Variants in CPSF1 observed in about 807,000 individuals in gnomAD.
CPSF1 encodes the protein cleavage and polyadenylation specific factor 1.
A neutral mutation model predicts 175.8 loss-of-function variants in CPSF1; 106 were observed. The observed-to-expected ratio is 0.60, with a 90% CI of 0.52 to 0.71. The LOEUF (loss-of-function observed/expected upper bound fraction) is 0.71. Ranked by LOEUF, CPSF1 falls within the 30% of genes least tolerant of loss-of-function variation. The probability of loss-of-function intolerance (pLI) is 0.00; values close to 1 mark genes in which losing one functional copy is unlikely to be tolerated. For missense variants in CPSF1, 1,734 were observed against 2,022.9 expected, an observed-to-expected ratio of 0.86 and a Z score of 2.74; for synonymous variants, 1,024 against 858.3, an observed-to-expected ratio of 1.19 and a Z score of -3.37.
Position 144,395,013 on chromosome 8 carries a change from G to T in CPSF1, c.3283C>A (p.Gln1095Lys), listed in dbSNP as rs1554863135. The T allele has an allele frequency of 6.2e-7, 1 of 1,609,936 alleles. No homozygotes were observed. The highest frequency in any genetic ancestry group is 1.1e-5 in the South Asian group (1 of 90,922). ...EAIPNARIELQEWEHVTCMKT... is the reference protein window; with the variant it reads ...EAIPNARIELKEWEHVTCMKT... ...ATGCAGGTCACATGCTCCCACTCCT[G>T]CAGCTCGATCCTGTGGGGGCCAGGG... is the stretch of plus-strand genomic sequence containing the variant. The change falls in exon 30 of 38, where the codon CAG (glutamine) becomes AAG (lysine). Residue 1095 changes from glutamine to lysine, a missense_variant. Around this residue, in one of 10 missense-constraint regions of CPSF1, gnomAD observed 585 missense variants for 584.7 expected, o/e 1.00. Transcript: ENST00000616140.
chr8:144,397,628 A>G lies in CPSF1; in HGVS notation c.2244T>C (p.Tyr748=), dbSNP rs1438696390. 2 of 1,534,122 alleles carry G rather than the reference A, an allele frequency of 1.3e-6. No homozygotes were observed. Among genetic ancestry groups the G allele is most frequent in the African/African-American group, 1.4e-5 (1 of 72,686 alleles). ...PTVDDEEEML[Y]GDSGSLFSPS... The stretch of plus-strand genomic sequence containing the variant: ...GGCTGAAGAGGGAGCCCGAATCCCC[A>G]TACAGCATCTCCTCCTCGTCATCCA... Residue 748 remains tyrosine, a synonymous_variant, in exon 22 of 38, where the codon TAT becomes TAC. Coordinates refer to ENST00000616140, the MANE Select transcript of CPSF1 (RefSeq NM_013291.3).
chr8:144,394,143 TGCGGTC>T lies in CPSF1; in HGVS notation c.3823_3828del (p.Asp1275_Arg1276del), dbSNP rs1287854225. On this transcript the variant is annotated inframe_deletion, in exon 34 of 38. Coordinates refer to ENST00000616140, the MANE Select transcript of CPSF1 (RefSeq NM_013291.3). ...GGCAGGTACATGTACACCATGAGGT[TGCGGTC>T]GCGGTCAGACACTGGGGAGCAGAGG... 1 of 1,612,828 alleles carries T rather than the reference TGCGGTC, an allele frequency of 6.2e-7. No homozygotes were observed. Among genetic ancestry groups the T allele is most frequent in the African/African-American group, 1.3e-5 (1 of 75,008 alleles).
In CPSF1 at chr8:144,401,041, A is replaced by G. The variant is rs2116880801; in HGVS notation, c.422T>C (p.Val141Ala). 5 of 1,607,828 alleles carry G rather than the reference A, an allele frequency of 3.1e-6. No individual in the cohort carries two copies. The highest frequency in any genetic ancestry group is 4.2e-6 in the Non-Finnish European group (5 of 1,176,744). The change falls in exon 6 of 38, where the codon GTG (valine) becomes GCG (alanine). Residue 141 changes from valine to alanine, a missense_variant. Around this residue, in one of 10 missense-constraint regions of CPSF1, gnomAD observed 122 missense variants for 177.2 expected, o/e 0.69. Transcript: ENST00000616140. The part of the protein sequence containing the change: ...GFVQNVHTPR[V>A]RVDPDGRCAA... Reference sequence around the variant, plus strand: ...ACAGCGCCCGTCGGGGTCCACCCGCACTCGCGGCGTGTGTACATTCTGCAC... The same window carrying G: ...ACAGCGCCCGTCGGGGTCCACCCGCGCTCGCGGCGTGTGTACATTCTGCAC...
Position 144,399,843 on chromosome 8 carries a change from C to T in CPSF1, c.1057G>A (p.Gly353Ser), listed in dbSNP as rs1206513857. Residue 353 changes from glycine (G) to serine (S), a missense_variant, in exon 11 of 38, where the codon GGC becomes AGC. By Grantham distance (56) the Gly-to-Ser change is moderately conservative (BLOSUM62 0). Around this residue, in one of 10 missense-constraint regions of CPSF1, gnomAD observed 162 missense variants for 169.5 expected, o/e 0.96. Coordinates refer to ENST00000616140, the MANE Select transcript of CPSF1 (RefSeq NM_013291.3). The surrounding 1 kb of genome is among the most constrained non-coding windows in gnomAD (Gnocchi z 6.4). ...EIYVLTLITD[G>S]MRSVRAFHFD... ...TGGAACGCTCGGACACTGCGCATGC[C>T]GTCGGTGATGAGGGTCAGCACGTAG... is the stretch of plus-strand genomic sequence containing the variant. The T allele has an allele frequency of 1.9e-6, 3 of 1,554,298 alleles. No homozygotes were observed. Among genetic ancestry groups the T allele is most frequent in the African/African-American group, 2.7e-5 (2 of 73,042 alleles).
Position 144,399,067 on chromosome 8 carries a change from GC to G in CPSF1, c.1468-30del, listed in dbSNP as rs1564691515. The G allele has an allele frequency of 1.9e-6, 3 of 1,549,994 alleles. No homozygotes were observed. The highest frequency in any genetic ancestry group is 2.4e-5 in the East Asian group (1 of 41,156). ...CACAGGACTCGGGGGTGAGGACTAT[GC>G]CCCCCACCCCCCCTCACACTCCAGC... On this transcript the variant is annotated intron_variant, in intron 15 of 37. Coordinates refer to ENST00000616140, the MANE Select transcript of CPSF1 (RefSeq NM_013291.3). The surrounding 1 kb of genome is among the most constrained non-coding windows in gnomAD (Gnocchi z 6.4).
chr8:144,404,148 G>A (rs1414528831), intron 2 of CPSF1, among the ~76,000 whole-genome samples: 2 of 151,680 alleles, frequency 1.3e-5, no homozygotes, highest in African/African-American at 2.4e-5. Flanking sequence ...GCTTGAATCC[G>A]GGAGGCGGAG....
rs2116852514 is a variant in CPSF1 at position 144,398,573 on chromosome 8, G to A, written c.1704C>T (p.Asp568=). ...GAATCAGGAATCCGTGTCTGCGGCC[G>A]TCGTCGTCTGCTTCAGGGGTGGTGC... ...EPSTTPEADD[D]GRRHGFLILS... is the part of the protein sequence containing the mutation. The change falls in exon 18 of 38, where the codon GAC becomes GAT. Residue 568 remains aspartate, a synonymous_variant. Transcript: ENST00000616140. 610,410 of 1,613,652 alleles carry A rather than the reference G, an allele frequency of 0.38. 121,424 individuals are homozygous for A. Among genetic ancestry groups the A allele is most frequent in the East Asian group, 0.66 (29,506 of 44,838 alleles).
Position 144,393,913 on chromosome 8 carries a change from C to G in CPSF1, c.3985G>C (p.Val1329Leu), listed in dbSNP as rs539044126. ...ATEGLSKKSV[V>L]WENKHITWFA... ...CACGTGATGTGCTTATTCTCCCACA[C>G]GACCGACTTTTTGCTGAGCCCTTCA... The change falls in exon 35 of 38, where the codon GTG (valine) becomes CTG (leucine). Residue 1329 changes from valine (V) to leucine (L), a missense_variant. Physicochemically the swap from Val to Leu is conservative, Grantham distance 32. Transcript: ENST00000616140. The G allele has an allele frequency of 1.1e-5, 17 of 1,613,098 alleles. No homozygotes were observed. Among genetic ancestry groups the G allele is most frequent in the Non-Finnish European group, 1.4e-5 (17 of 1,179,602 alleles).
intron 2 of CPSF1, among the ~76,000 whole-genome samples, chr8:144,405,514 C>T (rs1821449541): frequency 6.6e-6 from 1 of 152,110 alleles, no homozygotes; most frequent in African/African-American, 2.4e-5. Flanking sequence ...ATCCCAGCTA[C>T]TCGGGAGGTT....
chr8:144,409,192 G>A lies in CPSF1; in HGVS notation c.-14-20C>T. On this transcript the variant is annotated intron_variant, in intron 1 of 37. Coordinates refer to ENST00000616140, the MANE Select transcript of CPSF1 (RefSeq NM_013291.3). ...CCCGGGCTGCGCAAGGCCGGGAGAG[G>A]AAGGGTGAGCGGGGTCGCCCACGCA... is the stretch of plus-strand genomic sequence containing the variant. 1.3e-6 allele frequency: 2 copies of A among 1,570,694 alleles called. No individual in the cohort carries two copies. The highest frequency in any genetic ancestry group is 1.7e-6 in the Non-Finnish European group (2 of 1,158,766).
At position 144,400,826 on chromosome 8, in the gene CPSF1, C is replaced by A; in HGVS notation, c.540-9G>T. On this transcript the variant is annotated splice_polypyrimidine_tract_variant and intron_variant, in intron 6 of 37. Coordinates refer to ENST00000616140, the MANE Select transcript of CPSF1 (RefSeq NM_013291.3). ...GGAAGCTGGACCTCTGCCTGGGGGG[C>A]CAGGGGCTTCAGCAGGAGAGGAGGG... The A allele has an allele frequency of 5.6e-6, 9 of 1,613,118 alleles. No homozygotes were observed. Among genetic ancestry groups the A allele is most frequent in the Non-Finnish European group, 7.6e-6 (9 of 1,179,876 alleles).
intron 19 of CPSF1, 61 bp downstream of exon 19, chr8:144,398,241 C>A: frequency 9.3e-7 from 1 of 1,072,386 alleles, no homozygotes; most frequent in Non-Finnish European, 1.2e-6. Flanking sequence ...CCCACCGTCC[C>A]CACCCACCTA....
In CPSF1 at chr8:144,398,451, C is replaced by G. The variant is rs2116849925; in HGVS notation, c.1753-8G>C. The G allele has an allele frequency of 6.2e-7, 1 of 1,613,698 alleles. No individual in the cohort carries two copies. Among genetic ancestry groups the G allele is most frequent in the South Asian group, 1.1e-5 (1 of 91,086 alleles). The stretch of plus-strand genomic sequence containing the variant: ...CTGCCCCGTCTGCAGGATCTGCGGG[C>G]GACAGCTGTGAGGGAGGCGCCCCCC... On this transcript the variant is annotated splice_region_variant and splice_polypyrimidine_tract_variant and intron_variant, in intron 18 of 37. Transcript: ENST00000616140.
intron 31 of CPSF1, 29 bp from the exon 32 acceptor site, chr8:144,394,584 G>A (rs200325585): frequency 3.3e-5 from 53 of 1,604,318 alleles, no homozygotes; most frequent in Middle Eastern, 3.3e-4. Context: ...GTGAGCGGGC[G>A]CGGACGGGGA....
In CPSF1 at chr8:144,394,099, G is replaced by A. The variant is rs201455910; in HGVS notation, c.3859+14C>T. The A allele has an allele frequency of 8.0e-4, 1,288 of 1,612,258 alleles. 11 individuals carry two copies. In the African/African-American group the frequency reaches 0.013, roughly 16 times the overall value. On this transcript the variant is annotated intron_variant, in intron 34 of 37. Transcript: ENST00000616140. ...AGCCCCGGCCCAGGCAGAGGGGGTG[G>A]AGGAAGCACTCACCTTCGGGCAGGT...
chr8:144,399,252 G>C lies in CPSF1; in HGVS notation c.1392+24C>G, dbSNP rs961290175. The C allele has an allele frequency of 6.2e-7, 1 of 1,612,238 alleles. No homozygotes were observed. Among genetic ancestry groups the C allele is most frequent in the Non-Finnish European group, 8.5e-7 (1 of 1,179,802 alleles). On this transcript the variant is annotated intron_variant, in intron 14 of 37. Transcript: ENST00000616140. This position sits in a 1 kb window ranked among gnomAD's most constrained non-coding sequence, Gnocchi z 6.4. ...CCCGCTGGGGGCGCTGGCTGGGACG[G>C]GGGCCCTGCTGCCTCAATCTCACCT...
intron 2 of CPSF1, among the ~76,000 whole-genome samples, chr8:144,403,500 C>T (rs2116895044): frequency 6.6e-6 from 1 of 152,238 alleles, no homozygotes; most frequent in South Asian, 2.1e-4. Flanking sequence ...CCTCCCACCT[C>T]AGCCTCCTGA....
Position 144,398,376 on chromosome 8 carries a change from A to G in CPSF1, c.1820T>C (p.Val607Ala), listed in dbSNP as rs2116849324. 3.7e-6 allele frequency: 6 copies of G among 1,610,238 alleles called. No homozygotes were observed. In the African/African-American group the frequency reaches 5.4e-5, roughly 15 times the overall value. Residue 607 changes from valine (V) to alanine (A), a missense_variant, in exon 19 of 38, where the codon GTC becomes GCC. Val to Ala is a moderately conservative substitution (Grantham distance 64, BLOSUM62 0). Transcript: ENST00000616140. The part of the protein sequence containing the change: ...TSGFATQGPT[V>A]FAGNIGDNRY... ...GTTGTCCCCGATGTTCCCAGCAAAGACCGTGGGGCCCTGAGTGGCGAAGCC... is the reference window on the plus strand; with the variant it reads ...GTTGTCCCCGATGTTCCCAGCAAAGGCCGTGGGGCCCTGAGTGGCGAAGCC...
Position 144,393,525 on chromosome 8 carries a change from A to G in CPSF1, c.4211T>C (p.Leu1404Pro), listed in dbSNP as rs1184842695. Reference protein sequence around the residue: ...AVRNVLDGELLNRYLYLSTME... With the variant: ...AVRNVLDGELPNRYLYLSTME... ...GGTGCTCAGGTACAGGTAGCGGTTGAGCAGCTCCCCATCCAGCACGTTGCG... is the reference window on the plus strand; with the variant it reads ...GGTGCTCAGGTACAGGTAGCGGTTGGGCAGCTCCCCATCCAGCACGTTGCG... Residue 1404 changes from leucine to proline, a missense_variant, in exon 37 of 38, where the codon CTC becomes CCC. This residue lies in a region of CPSF1 where 323 missense variants were observed against 338.5 expected (regional missense o/e 0.95). Transcript: ENST00000616140. 2 of 1,595,886 alleles carry G rather than the reference A, an allele frequency of 1.3e-6. No homozygotes were observed. Among genetic ancestry groups the G allele is most frequent in the Non-Finnish European group, 1.7e-6 (2 of 1,173,394 alleles).
Sources: gnomAD v4.1 joint callset for allele counts (sites outside exome capture counted in the v4.1 genomes callset) on GRCh38, gnomAD v4.1.1 for gene constraint, gnomAD v4.1.1 regional missense constraint, Gnocchi (gnomAD v3.1) non-coding constraint, MANE v1.5 for transcripts, NCBI Gene and HGNC (gene_info 2026-07-23, HGNC 2026-07-21) for gene names.